The following CNTN5 variants were observed in gnomAD, a reference collection of about 807,000 sequenced individuals.
The protein encoded by CNTN5 is contactin 5, also known as contactin-5.
In CNTN5, 77 loss-of-function variants were observed where a neutral mutation model predicts 129.1. The observed-to-expected ratio is 0.60, with a 90% confidence interval of 0.50 to 0.72. CNTN5 has a LOEUF of 0.72. CNTN5 is among the 30% of genes least tolerant of loss of function. The probability of loss-of-function intolerance (pLI) is 0.00; values close to 1 mark genes in which losing one functional copy is unlikely to be tolerated. For missense variants in CNTN5, 1,478 were observed against 1,328.8 expected (o/e 1.11, Z -1.75); for synonymous variants, 509 against 465.6 (o/e 1.09, Z -1.20).
intron 3 of CNTN5, among the ~76,000 whole-genome samples, chr11:99,663,455 G>T (rs548235567): frequency 6.6e-6 from 1 of 152,250 alleles, no homozygotes; most frequent in East Asian, 1.9e-4. Flanking sequence ...GTAACAGAGC[G>T]AGACTCCGTC....
At chr11:100,119,347 C>T (rs144550330) in intron 13 of CNTN5, among the ~76,000 whole-genome samples, 44 of 151,988 alleles carry the variant, frequency 2.9e-4, no homozygotes, top group African/African-American at 9.6e-4. Flanking sequence ...GATATGCAAA[C>T]AGCTGCATGA....
At chr11:99,137,898 C>T (rs1014368268) in intron 1 of CNTN5, among the ~76,000 whole-genome samples, 2 of 152,132 alleles carry the variant, frequency 1.3e-5, no homozygotes, top group African/African-American at 4.8e-5. Context: ...TATAGACATC[C>T]TCTTGGCATT....
chr11:99,929,976 A>T (rs1565688441), intron 7 of CNTN5, among the ~76,000 whole-genome samples: 1 of 152,156 alleles, frequency 6.6e-6, no homozygotes, highest in Non-Finnish European at 1.5e-5. Flanking sequence ...CAAAAGATTG[A>T]CTGCCTCGCC....
chr11:100,166,825 T>C (rs1031544677), intron 13 of CNTN5, among the ~76,000 whole-genome samples: 1 of 151,826 alleles, frequency 6.6e-6, no homozygotes, highest in Non-Finnish European at 1.5e-5. Flanking sequence ...AAAAAGGCCT[T>C]TCTCTATGAG....
At chr11:99,972,130 G>T (rs1591505890) in intron 8 of CNTN5, among the ~76,000 whole-genome samples, 1 of 150,736 alleles carries the variant, frequency 6.6e-6, no homozygotes, top group Non-Finnish European at 1.5e-5. Context: ...GCGTGGTGGC[G>T]GGTGCCTGTA....
chr11:99,748,238 T>G (rs1312885496), intron 3 of CNTN5, among the ~76,000 whole-genome samples: 1 of 152,160 alleles, frequency 6.6e-6, no homozygotes, highest in East Asian at 1.9e-4. Flanking sequence ...TTTGTAAGCA[T>G]TCCCTCCTCT....
intron 1 of CNTN5, among the ~76,000 whole-genome samples, chr11:99,296,891 A>T (rs916166529): frequency 6.6e-6 from 1 of 152,192 alleles, no homozygotes; most frequent in Non-Finnish European, 1.5e-5. Context: ...GAGAAAGGAA[A>T]ATTTAAGATA....
intron 2 of CNTN5, among the ~76,000 whole-genome samples, chr11:99,462,863 T>A (rs1428656237): frequency 6.6e-6 from 1 of 151,958 alleles, no homozygotes; most frequent in East Asian, 1.9e-4. Context: ...GGCAGGTGGA[T>A]CATTTGAGGT....
chr11:100,124,956 A>AGACGGATGAGAC (rs1383377808), intron 13 of CNTN5, among the ~76,000 whole-genome samples: 3 of 152,094 alleles, frequency 2.0e-5, no homozygotes, highest in Non-Finnish European at 4.4e-5. Context: ...GTTGAAATAC[A>AGACGGATGAGAC]GACGTCTGAG....
intron 15 of CNTN5, among the ~76,000 whole-genome samples, chr11:100,211,384 G>C (rs1032664741): frequency 6.6e-6 from 1 of 151,914 alleles, no homozygotes. Flanking sequence ...TTAAAATAAT[G>C]TATGAAGAAC....
intron 2 of CNTN5, among the ~76,000 whole-genome samples, chr11:99,355,812 T>G (rs947184924): frequency 6.1e-5 from 8 of 130,330 alleles, no homozygotes; most frequent in East Asian, 3.9e-4. Context: ...TCTGTCATGG[T>G]TTTTTTTTGT....
At chr11:99,165,472 G>T (rs1218251525) in intron 1 of CNTN5, among the ~76,000 whole-genome samples, 4 of 152,154 alleles carry the variant, frequency 2.6e-5, no homozygotes, top group Admixed American at 2.6e-4. Flanking sequence ...CTAGCCGTCT[G>T]TAAATACAGT....
chr11:99,755,575 T>A (rs998922556), intron 3 of CNTN5, among the ~76,000 whole-genome samples: 21 of 152,190 alleles, frequency 1.4e-4, no homozygotes, highest in East Asian at 1.9e-4. Context: ...GGATTTTTTT[T>A]ATTAACATTT....
rs192253347 is a variant in CNTN5, at chr11:100,127,421, T to C, written c.1580+53127T>C. Among the ~76,000 whole-genome samples, 23 of 152,084 alleles carry C rather than the reference T, an allele frequency of 1.5e-4. No individual in the cohort carries two copies. The East Asian group carries it at 4.3e-3, about 28-fold the overall frequency. On this transcript the variant is annotated intron_variant, in intron 13 of 24. Coordinates refer to ENST00000524871, the MANE Select transcript of CNTN5 (RefSeq NM_014361.4). ...GTTTTCATCATAGTTTTTAATGTTA[T>C]TTTTCTTAAAAAATAATGTTGTCCC... is the stretch of plus-strand genomic sequence containing the variant.
intron 1 of CNTN5, among the ~76,000 whole-genome samples, chr11:99,132,732 C>T (rs949094378): frequency 3.9e-5 from 6 of 152,084 alleles, no homozygotes; most frequent in Admixed American, 2.6e-4. Context: ...GAACTGCAAA[C>T]TGCTACTCAA....
At chr11:100,043,825 T>C (rs1351587916) in intron 9 of CNTN5, among the ~76,000 whole-genome samples, 1 of 151,186 alleles carries the variant, frequency 6.6e-6, no homozygotes, top group Non-Finnish European at 1.5e-5. Context: ...TTTGGATCAT[T>C]TGATTCAGTT....
At chr11:100,228,758 T>A (rs942506045) in intron 16 of CNTN5, among the ~76,000 whole-genome samples, 6 of 152,148 alleles carry the variant, frequency 3.9e-5, no homozygotes, top group African/African-American at 1.4e-4. Context: ...TGGCTCTACA[T>A]CCTCTAGTCC....
At chr11:100,182,528 G>T (rs944498012) in intron 13 of CNTN5, among the ~76,000 whole-genome samples, 6 of 151,986 alleles carry the variant, frequency 3.9e-5, no homozygotes, top group African/African-American at 1.4e-4. Flanking sequence ...ATTTGAGGCA[G>T]ACATAAACAT....
intron 1 of CNTN5, among the ~76,000 whole-genome samples, chr11:99,137,732 G>T (rs1373484015): frequency 6.6e-6 from 1 of 152,060 alleles, no homozygotes; most frequent in Admixed American, 6.6e-5. Context: ...AAGTGCTCTG[G>T]TGTCTGCCAG....
Sources: allele counts gnomAD v4.1 joint callset (sites outside exome capture counted in the v4.1 genomes callset), GRCh38; gene constraint gnomAD v4.1.1; transcripts MANE v1.5; gene names NCBI Gene and HGNC (gene_info 2026-07-23, HGNC 2026-07-21).